Variants in CACNG4 observed in about 807,000 individuals in gnomAD.
CACNG4 encodes calcium voltage-gated channel auxiliary subunit gamma 4.
In CACNG4, 8 loss-of-function variants were observed where a neutral mutation model predicts 22.9. The observed-to-expected ratio is 0.35, with a 90% CI of 0.21 to 0.63. The LOEUF is 0.63. CACNG4 is among the 30% of genes least tolerant of loss of function. CACNG4 has a pLI of 0.72. For missense variants in CACNG4, 357 were observed against 455.4 expected (o/e 0.78, Z 1.97); for synonymous variants, 188 against 191.9 (o/e 0.98, Z 0.17).
At position 67,007,179 on chromosome 17, in the gene CACNG4, C is replaced by G. The variant is rs369078763; in HGVS notation, c.221-11010C>G. Among the ~76,000 whole-genome samples, 23 of 151,818 alleles carry G rather than the reference C, an allele frequency of 1.5e-4. No individual in the cohort carries two copies. The East Asian group carries it at 3.9e-3, about 26-fold the overall frequency. Reference sequence around the variant, plus strand: ...GACAGAGCGAGACTCTATCTCAAAACAAACAAACAAAAAACAAACCCAAAC... The same window carrying G: ...GACAGAGCGAGACTCTATCTCAAAAGAAACAAACAAAAAACAAACCCAAAC... On this transcript the variant is annotated intron_variant, in intron 1 of 3. Transcript: ENST00000262138.
chr17:66,982,168 G>C (rs77135269), intron 1 of CACNG4, among the ~76,000 whole-genome samples: 2 of 152,232 alleles, frequency 1.3e-5, no homozygotes, highest in Admixed American at 1.3e-4. Flanking sequence ...AAGCTTCCAC[G>C]AGTGGGAGGA....
intron 1 of CACNG4, among the ~76,000 whole-genome samples, chr17:66,971,718 GA>G (rs979708211): frequency 8.5e-5 from 13 of 152,244 alleles, no homozygotes; most frequent in African/African-American, 2.6e-4. Context: ...AACCTTCTAG[GA>G]GGAGGAAAGG....
At chr17:66,994,625 A>C (rs1375560626) in intron 1 of CACNG4, among the ~76,000 whole-genome samples, 1 of 152,192 alleles carries the variant, frequency 6.6e-6, no homozygotes, top group East Asian at 1.9e-4. Flanking sequence ...TTGGAACCAG[A>C]TACAATGATG....
At chr17:67,028,336 A>G (rs2035580549) in intron 3 of CACNG4, among the ~76,000 whole-genome samples, 2 of 152,006 alleles carry the variant, frequency 1.3e-5, no homozygotes, top group African/African-American at 2.4e-5. Context: ...GGCGGATCAC[A>G]AGCTCAGGAG....
At chr17:66,988,555 C>T (rs913941841) in intron 1 of CACNG4, among the ~76,000 whole-genome samples, 7 of 152,176 alleles carry the variant, frequency 4.6e-5, no homozygotes, top group South Asian at 4.1e-4. Flanking sequence ...CTTGCCCCCT[C>T]GCCTCGCCTC....
chr17:66,971,868 G>C (rs1732446963), intron 1 of CACNG4, among the ~76,000 whole-genome samples: 1 of 152,160 alleles, frequency 6.6e-6, no homozygotes. Flanking sequence ...CGGTGCTATT[G>C]CAGAACTTCG....
At chr17:66,965,961 G>A (rs768681129) in intron 1 of CACNG4, among the ~76,000 whole-genome samples, 1 of 152,180 alleles carries the variant, frequency 6.6e-6, no homozygotes, top group Non-Finnish European at 1.5e-5. Context: ...AGGGTGTGCA[G>A]GACCGATCTG....
intron 1 of CACNG4, among the ~76,000 whole-genome samples, chr17:66,994,818 G>A (rs2035364011): frequency 6.6e-6 from 1 of 152,170 alleles, no homozygotes; most frequent in South Asian, 2.1e-4. Context: ...GTTCTCAGAG[G>A]CCAGTGGTAG....
intron 2 of CACNG4, 75 bp from the exon 3 acceptor site, chr17:67,024,785 G>A (rs2143368566): frequency 7.2e-7 from 1 of 1,387,930 alleles, no homozygotes; most frequent in Non-Finnish European, 9.4e-7. Context: ...GTTCCTGGGA[G>A]ACATACGCAG....
At chr17:67,022,266 G>A (rs1055750714) in intron 2 of CACNG4, among the ~76,000 whole-genome samples, 6 of 152,066 alleles carry the variant, frequency 3.9e-5, no homozygotes, top group East Asian at 1.9e-4. Context: ...GTGGAGACTG[G>A]GTTTCACAAT....
At chr17:66,979,740 TC>T (rs2035259859) in intron 1 of CACNG4, among the ~76,000 whole-genome samples, 1 of 146,980 alleles carries the variant, frequency 6.8e-6, no homozygotes, top group Admixed American at 7.0e-5. Context: ...TTTGTTCTTT[TC>T]ATGCTTTTTT....
At chr17:67,018,330 G>A (rs2035512979) in intron 2 of CACNG4, 58 bp downstream of exon 2, 4 of 1,326,522 alleles carry the variant, frequency 3.0e-6, no homozygotes, top group Non-Finnish European at 4.4e-6. Context: ...GTGGGGGAAG[G>A]CGGCCGGAGG....
At chr17:67,012,767 C>G (rs2035475727) in intron 1 of CACNG4, among the ~76,000 whole-genome samples, 1 of 152,192 alleles carries the variant, frequency 6.6e-6, no homozygotes, top group African/African-American at 2.4e-5. Context: ...TCAGCAGGCT[C>G]CACCTGCACA....
chr17:66,970,466 G>A (rs907787653), intron 1 of CACNG4, among the ~76,000 whole-genome samples: 1 of 152,084 alleles, frequency 6.6e-6, no homozygotes, highest in Non-Finnish European at 1.5e-5. Context: ...GCAGATGGCC[G>A]GCTTCTTCAT....
intron 1 of CACNG4, 55 bp downstream of exon 1, chr17:66,965,186 ATATACACACGCGCG>A: frequency 1.2e-6 from 1 of 843,748 alleles, no homozygotes; most frequent in Non-Finnish European, 1.7e-6. Context: ...ACACACACAC[ATATACACACGCGCG>A]CGCGCGCGCG....
At chr17:67,000,164 C>G (rs1164973965) in intron 1 of CACNG4, among the ~76,000 whole-genome samples, 2 of 152,182 alleles carry the variant, frequency 1.3e-5, no homozygotes, top group African/African-American at 4.8e-5. Context: ...TCCTCTCTTT[C>G]CTTGTGTCGT....
At chr17:66,973,684 C>A (rs923523997) in intron 1 of CACNG4, among the ~76,000 whole-genome samples, 2 of 152,212 alleles carry the variant, frequency 1.3e-5, no homozygotes, top group African/African-American at 2.4e-5. Context: ...AACCTGCATA[C>A]AGTCTCAGAG....
chr17:67,014,398 C>T (rs969221120), intron 1 of CACNG4, among the ~76,000 whole-genome samples: 2 of 152,108 alleles, frequency 1.3e-5, no homozygotes, highest in Non-Finnish European at 2.9e-5. Flanking sequence ...TCCACAAAAA[C>T]AGATTCGGGG....
chr17:67,021,151 C>T (rs577685128), intron 2 of CACNG4, among the ~76,000 whole-genome samples: 7 of 151,712 alleles, frequency 4.6e-5, no homozygotes, highest in African/African-American at 1.5e-4. Flanking sequence ...CAGTGAGCCA[C>T]GATCGTGCCA....
Sources: allele counts gnomAD v4.1 joint callset (sites outside exome capture counted in the v4.1 genomes callset), GRCh38; gene constraint gnomAD v4.1.1; transcripts MANE v1.5; gene names NCBI Gene and HGNC (gene_info 2026-07-23, HGNC 2026-07-21).